Variants in DDX46 observed in about 807,000 individuals in gnomAD.
DDX46 encodes DEAD-box helicase 46.
DDX46 carries 30 observed loss-of-function variants against 134.9 expected under a neutral mutation model. The ratio of observed to expected loss-of-function variants is 0.22; its 90% CI spans 0.17 to 0.30. DDX46 has a LOEUF of 0.30. Ranked by LOEUF, DDX46 falls within the 10% of genes least tolerant of loss-of-function variation. The probability of loss-of-function intolerance (pLI) is 1.00; values close to 1 mark genes in which losing one functional copy is unlikely to be tolerated. For synonymous variants in DDX46, 415 were observed against 404.1 expected (o/e 1.03, Z -0.32); for missense variants, 622 against 1,248.7 (o/e 0.50, Z 7.56).
chr5:134,822,016 A>G (rs1755469717), intron 21 of DDX46, among the ~76,000 whole-genome samples: 1 of 149,086 alleles, frequency 6.7e-6, no homozygotes, highest in African/African-American at 2.5e-5. Flanking sequence ...TGGCCTCCCT[A>G]GTAGCTGGGA....
Position 134,828,831 on chromosome 5 carries a change from T to G in DDX46, c.*125T>G. 1.6e-6 allele frequency: 1 copy of G among 615,714 alleles called. No individual in the cohort carries two copies. The highest frequency in any genetic ancestry group is 2.4e-6 in the Non-Finnish European group (1 of 413,476). The allele number at this position is 615,714 out of a possible 1,614,324, so 38.1% of individuals were successfully genotyped here. A position where few individuals can be genotyped will look rare whatever the true frequency, so the allele number is the denominator to read the frequency against. On this transcript the variant is annotated 3_prime_UTR_variant, in exon 23 of 23. Coordinates refer to ENST00000452510, the MANE Select transcript of DDX46 (RefSeq NM_001300860.2). ...CTATCTTGCTGATTTTTTTTAAATA[T>G]AAGAAACTGGTACTTGGTAAAGAAA...
chr5:134,810,501 C>T (rs1400384624), intron 16 of DDX46, among the ~76,000 whole-genome samples: 3 of 151,426 alleles, frequency 2.0e-5, no homozygotes, highest in Admixed American at 6.6e-5. Context: ...CCACCACACT[C>T]GGCTAATTTT....
chr5:134,774,126 C>T (rs1308964661), intron 5 of DDX46, among the ~76,000 whole-genome samples: 2 of 152,032 alleles, frequency 1.3e-5, no homozygotes, highest in African/African-American at 2.4e-5. Flanking sequence ...CGCCTTTTCT[C>T]GCTACTTCTT....
intron 6 of DDX46, among the ~76,000 whole-genome samples, chr5:134,780,206 G>C (rs1478634356): frequency 6.6e-6 from 1 of 150,916 alleles, no homozygotes; most frequent in African/African-American, 2.4e-5. Context: ...ATGTGTATGT[G>C]TATATGTGTG....
Position 134,813,574 on chromosome 5 carries a change from G to A in DDX46, c.2436+1729G>A, listed in dbSNP as rs370552479. Among the ~76,000 whole-genome samples the A allele has an allele frequency of 1.3e-4, 20 of 152,290 alleles. No homozygotes were observed. The East Asian group carries it at 1.5e-3, about 12-fold the overall frequency. ...GAAAGCTTTAGTGCTTTTTATGACT[G>A]TCTCTGAAATTACACACTGTCACTT... On this transcript the variant is annotated intron_variant, in intron 18 of 22. Coordinates refer to ENST00000452510, the MANE Select transcript of DDX46 (RefSeq NM_001300860.2).
At position 134,777,729 on chromosome 5, in the gene DDX46, T is replaced by C. The variant is rs758894569; in HGVS notation, c.765+4T>C. 33 of 1,594,188 alleles carry C rather than the reference T, an allele frequency of 2.1e-5. No individual in the cohort carries two copies. The East Asian group carries it at 6.3e-4, about 30-fold the overall frequency. ...AGGTGGTGGGGGAAATGAAAAGGTA[T>C]GGAATTTCTTATTTTTAAAGATTTC... On this transcript the variant is annotated splice_donor_region_variant and intron_variant, in intron 6 of 22. Coordinates refer to ENST00000452510, the MANE Select transcript of DDX46 (RefSeq NM_001300860.2).
intron 13 of DDX46, among the ~76,000 whole-genome samples, chr5:134,793,472 G>A (rs1325944967): frequency 2.0e-5 from 3 of 151,988 alleles, no homozygotes; most frequent in Non-Finnish European, 4.4e-5. Flanking sequence ...CTGAAGTGCA[G>A]TGGCTCACTG....
intron 20 of DDX46, among the ~76,000 whole-genome samples, chr5:134,818,571 G>A (rs1385490432): frequency 6.6e-6 from 1 of 151,390 alleles, no homozygotes; most frequent in Non-Finnish European, 1.5e-5. Flanking sequence ...GCATGGTGGC[G>A]CATGCCTGTA....
chr5:134,788,462 T>C (rs760573968), intron 11 of DDX46, 51 bp from the exon 12 acceptor site: 1 of 1,440,540 alleles, frequency 6.9e-7, no homozygotes, highest in Non-Finnish European at 9.7e-7. Context: ...TATTTTTTAG[T>C]GTTTAAGTAA....
At chr5:134,812,382 T>C (rs1422769109) in intron 18 of DDX46, among the ~76,000 whole-genome samples, 1 of 152,038 alleles carries the variant, frequency 6.6e-6, no homozygotes, top group African/African-American at 2.4e-5. Flanking sequence ...TGAAAAGTCT[T>C]TAACGAATCT....
chr5:134,810,064 G>A (rs1406143938), intron 16 of DDX46, among the ~76,000 whole-genome samples: 1 of 151,890 alleles, frequency 6.6e-6, no homozygotes, highest in Non-Finnish European at 1.5e-5. Context: ...GGGTCAGATT[G>A]TTTTTTTGGT....
At chr5:134,804,989 G>T in intron 15 of DDX46, 1 of 378,350 alleles carries the variant, frequency 2.6e-6, no homozygotes, top group Non-Finnish European at 5.2e-6. Flanking sequence ...ATGGGCACAT[G>T]CCACCTGCAG....
chr5:134,824,605 A>T (rs1171797515), intron 21 of DDX46, among the ~76,000 whole-genome samples: 1 of 152,224 alleles, frequency 6.6e-6, no homozygotes, highest in African/African-American at 2.4e-5. Flanking sequence ...AAAGAAAAAG[A>T]AATATAATGA....
intron 3 of DDX46, among the ~76,000 whole-genome samples, chr5:134,770,199 A>ATT (rs368105956): frequency 2.5e-4 from 33 of 129,764 alleles, no homozygotes; most frequent in Admixed American, 3.2e-4. Flanking sequence ...GCCTGACCAA[A>ATT]TTTTTTTTTT....
chr5:134,769,876 T>C (rs1219773259), intron 3 of DDX46, among the ~76,000 whole-genome samples: 1 of 152,028 alleles, frequency 6.6e-6, no homozygotes, highest in African/African-American at 2.4e-5. Flanking sequence ...TTGGCCAGGA[T>C]GGTCTCGATC....
At chr5:134,817,951 GTT>G (rs554975530) in intron 20 of DDX46, among the ~76,000 whole-genome samples, 13 of 134,818 alleles carry the variant, frequency 9.6e-5, no homozygotes, top group South Asian at 2.4e-4. Flanking sequence ...CTTGTTTGTT[GTT>G]TTTTTTTTTT....
chr5:134,796,996 C>A (rs1264166940), intron 15 of DDX46, among the ~76,000 whole-genome samples: 5 of 143,522 alleles, frequency 3.5e-5, no homozygotes, highest in African/African-American at 1.0e-4. Flanking sequence ...ATTAAAAATA[C>A]AAAATTAGCC....
At chr5:134,776,840 G>C (rs1475175278) in intron 5 of DDX46, among the ~76,000 whole-genome samples, 2 of 150,650 alleles carry the variant, frequency 1.3e-5, no homozygotes, top group African/African-American at 4.9e-5. Flanking sequence ...TTGAACCCAG[G>C]ATATCAGAGG....
At chr5:134,799,060 AT>A (rs1172376632) in intron 15 of DDX46, among the ~76,000 whole-genome samples, 2 of 152,198 alleles carry the variant, frequency 1.3e-5, no homozygotes, top group Non-Finnish European at 2.9e-5. Flanking sequence ...TGTAGGTAAT[AT>A]GGGCTTACTA....
Sources: allele counts gnomAD v4.1 joint callset (sites outside exome capture counted in the v4.1 genomes callset), GRCh38; gene constraint gnomAD v4.1.1; transcripts MANE v1.5; gene names NCBI Gene and HGNC (gene_info 2026-07-23, HGNC 2026-07-21).